The following MMS22L variants were observed in gnomAD, a reference collection of about 807,000 sequenced individuals.
MMS22L encodes MMS22 like, DNA repair protein.
Under a neutral mutation model 159.1 loss-of-function variants are expected in MMS22L, and 74 were observed. That is an observed-to-expected ratio of 0.47 (90% confidence interval 0.39 to 0.56). MMS22L has a LOEUF of 0.56. Among genes scored for constraint, MMS22L ranks in the 20% least tolerant of loss-of-function variants. The pLI is 0.00. For synonymous variants in MMS22L, 517 were observed against 506.9 expected, an observed-to-expected ratio of 1.02 and a Z score of -0.27; for missense variants, 1,351 against 1,422.1, an observed-to-expected ratio of 0.95 and a Z score of 0.80.
chr6:97,194,192 G>A (rs1255941512), intron 14 of MMS22L, among the ~76,000 whole-genome samples: 1 of 152,132 alleles, frequency 6.6e-6, no homozygotes, highest in African/African-American at 2.4e-5. Flanking sequence ...CGAGTAGCTG[G>A]AACTACAGGT....
At chr6:97,242,732 G>C (rs968024097) in intron 11 of MMS22L, among the ~76,000 whole-genome samples, 1 of 152,136 alleles carries the variant, frequency 6.6e-6, no homozygotes, top group African/African-American at 2.4e-5. Flanking sequence ...TGAGGTTCAA[G>C]ATTTAGGTCT....
At chr6:97,233,208 C>G (rs1308199497) in intron 12 of MMS22L, among the ~76,000 whole-genome samples, 1 of 152,164 alleles carries the variant, frequency 6.6e-6, no homozygotes, top group Non-Finnish European at 1.5e-5. Context: ...AGTCTCCTAT[C>G]TTCGGTCTCT....
At chr6:97,228,512 A>ATAT (rs1206561317) in intron 14 of MMS22L, among the ~76,000 whole-genome samples, 1 of 152,216 alleles carries the variant, frequency 6.6e-6, no homozygotes, top group African/African-American at 2.4e-5. Context: ...ACTTTGTTTC[A>ATAT]TGCACAAAAT....
intron 3 of MMS22L, 44 bp downstream of exon 3, chr6:97,281,193 G>T (rs1187064928): frequency 7.1e-6 from 11 of 1,553,120 alleles, no homozygotes; most frequent in African/African-American, 1.4e-5. Context: ...ATTTACAAAA[G>T]TGAACAACAC....
intron 7 of MMS22L, among the ~76,000 whole-genome samples, chr6:97,269,523 A>T (rs575371941): frequency 2.0e-5 from 3 of 152,332 alleles, no homozygotes; most frequent in Admixed American, 6.5e-5. Flanking sequence ...GGCTAAATAT[A>T]GTAGAACCAT....
chr6:97,280,418 C>T (rs1315153187), intron 3 of MMS22L, among the ~76,000 whole-genome samples: 4 of 152,062 alleles, frequency 2.6e-5, no homozygotes, highest in East Asian at 1.9e-4. Flanking sequence ...CTGCAACCTC[C>T]GCCTCCTGGG....
intron 3 of MMS22L, among the ~76,000 whole-genome samples, chr6:97,279,409 A>G (rs1477299673): frequency 6.6e-6 from 1 of 152,030 alleles, no homozygotes; most frequent in Non-Finnish European, 1.5e-5. Context: ...GTGTGAACCC[A>G]GGAGCTGGAG....
At chr6:97,165,004 G>C (rs1362185341) in intron 21 of MMS22L, among the ~76,000 whole-genome samples, 2 of 151,880 alleles carry the variant, frequency 1.3e-5, no homozygotes, top group African/African-American at 4.8e-5. Flanking sequence ...ATACCTTTAG[G>C]ACATATATAA....
Position 97,168,092 on chromosome 6 carries a change from T to A in MMS22L, c.2988A>T (p.Lys996Asn). The A allele has an allele frequency of 6.2e-7, 1 of 1,610,628 alleles. No individual in the cohort carries two copies. The highest frequency in any genetic ancestry group is 8.5e-7 in the Non-Finnish European group (1 of 1,178,582). Residue 996 changes from lysine to asparagine, a missense_variant, in exon 20 of 25, where the codon AAA becomes AAT. Coordinates refer to ENST00000683635, the MANE Select transcript of MMS22L (RefSeq NM_001350599.2). ...ATACCTGGAGATACAAAGGAAGACTTTTCTGAATTGCTGACAACATAGGTG... is the reference window on the plus strand; with the variant it reads ...ATACCTGGAGATACAAAGGAAGACTATTCTGAATTGCTGACAACATAGGTG... The part of the protein sequence containing the change: ...LPAPMLSAIQ[K>N]SLPLYLQGMC...
Position 97,213,234 on chromosome 6 carries a change from C to T in MMS22L, c.2039+15660G>A, listed in dbSNP as rs11751401. Among the ~76,000 whole-genome samples, 7 of 152,010 alleles carry T rather than the reference C, an allele frequency of 4.6e-5. No homozygotes were observed. The South Asian group carries it at 1.2e-3, about 27-fold the overall frequency. ...CCAGCCTGACCAACATGGAAAAACC[C>T]CATCTCTACTAAAAATACAAAATTA... is the stretch of plus-strand genomic sequence containing the variant. On this transcript the variant is annotated intron_variant, in intron 14 of 24. Coordinates refer to ENST00000683635, the MANE Select transcript of MMS22L (RefSeq NM_001350599.2).
intron 16 of MMS22L, among the ~76,000 whole-genome samples, chr6:97,179,867 A>C (rs1804527534): frequency 6.6e-6 from 1 of 152,202 alleles, no homozygotes; most frequent in African/African-American, 2.4e-5. Flanking sequence ...ACCAAGGAAA[A>C]AGCAAGGGCT....
At chr6:97,252,637 T>A (rs1410041039) in intron 10 of MMS22L, among the ~76,000 whole-genome samples, 2 of 142,982 alleles carry the variant, frequency 1.4e-5, no homozygotes, top group Non-Finnish European at 3.0e-5. Flanking sequence ...AGAGTGAGAC[T>A]CCATCTCAAA....
At position 97,181,968 on chromosome 6, in the gene MMS22L, CA is replaced by C. The variant is rs773679038; in HGVS notation, c.2319del (p.Phe773LeufsTer12). 1 of 1,613,592 alleles carries C rather than the reference CA, an allele frequency of 6.2e-7. No homozygotes were observed. The highest frequency in any genetic ancestry group is 2.2e-5 in the East Asian group (1 of 44,832). On this transcript the variant is annotated frameshift_variant, in exon 16 of 25. Coordinates refer to ENST00000683635, the MANE Select transcript of MMS22L (RefSeq NM_001350599.2). LOFTEE classifies it high-confidence loss of function. ...PQPVISIIQL[F>X]GWDDIICPQV... is the part of the protein sequence containing the mutation. ...TGAGGGCAGATGATATCATCCCAAC[CA>C]AAAAGTTGAATAATTGATATAACTG...
At chr6:97,180,187 T>C (rs1259645308) in intron 16 of MMS22L, among the ~76,000 whole-genome samples, 1 of 152,038 alleles carries the variant, frequency 6.6e-6, no homozygotes, top group African/African-American at 2.4e-5. Flanking sequence ...CTGCAAGCTC[T>C]GCCTCCCGGG....
intron 14 of MMS22L, among the ~76,000 whole-genome samples, chr6:97,201,798 CTA>C (rs1185530991): frequency 6.6e-6 from 1 of 152,078 alleles, no homozygotes; most frequent in Non-Finnish European, 1.5e-5. Flanking sequence ...ATTTATTACT[CTA>C]TGAGTGCAAT....
Position 97,150,440 on chromosome 6 carries a change from G to A in MMS22L, c.3483-420C>T, listed in dbSNP as rs190970212. ...TATAAGTCAAACAATATTTTTATGA[G>A]GAAAGCAAGTTATTCCTAATATATT... On this transcript the variant is annotated intron_variant, in intron 23 of 24. Transcript: ENST00000683635. Among the ~76,000 whole-genome samples, 64 of 152,070 alleles carry A rather than the reference G, an allele frequency of 4.2e-4. 1 individual carries two copies. Among genetic ancestry groups the A allele is most frequent in the East Asian group, 2.5e-3 (13 of 5,166 alleles).
intron 22 of MMS22L, among the ~76,000 whole-genome samples, chr6:97,157,097 G>C (rs1044365760): frequency 3.3e-5 from 5 of 151,658 alleles, no homozygotes; most frequent in African/African-American, 1.2e-4. Flanking sequence ...GTGAATGGGA[G>C]TTCACTCATG....
intron 21 of MMS22L, among the ~76,000 whole-genome samples, chr6:97,163,705 G>T (rs1227435614): frequency 6.6e-6 from 1 of 152,028 alleles, no homozygotes; most frequent in African/African-American, 2.4e-5. Flanking sequence ...AAATTGAGCT[G>T]TACAGGGCAT....
intron 6 of MMS22L, 67 bp downstream of exon 6, chr6:97,272,637 C>T (rs984395808): frequency 2.3e-5 from 32 of 1,390,444 alleles, no homozygotes; most frequent in Non-Finnish European, 3.2e-5. Flanking sequence ...TTCTCTCCTT[C>T]TTGAATGAAT....
Sources: allele counts gnomAD v4.1 joint callset (sites outside exome capture counted in the v4.1 genomes callset), GRCh38; gene constraint gnomAD v4.1.1; transcripts MANE v1.5; gene names NCBI Gene and HGNC (gene_info 2026-07-23, HGNC 2026-07-21).